The following CBR4 variants were observed in gnomAD, a reference collection of about 807,000 sequenced individuals.
The protein encoded by CBR4 is 3-oxoacyl-[acyl-carrier-protein] reductase.
In CBR4, 22 loss-of-function variants were observed where a neutral mutation model predicts 21.0. The ratio of observed to expected loss-of-function variants is 1.05; its 90% CI spans 0.75 to 1.50. The LOEUF (loss-of-function observed/expected upper bound fraction) is 1.50. Among genes scored for constraint, CBR4 ranks in the 40% most tolerant of loss-of-function variants. CBR4 has a pLI of 0.00. For missense variants in CBR4, 302 were observed against 286.3 expected (o/e 1.05, Z -0.40); for synonymous variants, 100 against 104.4 (o/e 0.96, Z 0.26).
Position 168,953,057 on chromosome 4 carries a change from C to G in CBR4, n.169+49014G>C, listed in dbSNP as rs112272287. On this transcript the variant is annotated intron_variant and non_coding_transcript_variant, in intron 2 of 3. Coordinates refer to the CBR4 transcript ENST00000509108. ...CAGGTGGGGGAAGGGCTAGGCATGTCTGAGCTCAGACTCTCCTTGGGCAGG... is the reference window on the plus strand; with the variant it reads ...CAGGTGGGGGAAGGGCTAGGCATGTGTGAGCTCAGACTCTCCTTGGGCAGG... Among the ~76,000 whole-genome samples, 1,279 of 152,280 alleles carry G rather than the reference C, an allele frequency of 8.4e-3. 13 individuals carry two copies. Among genetic ancestry groups the G allele is most frequent in the African/African-American group, 0.029 (1,209 of 41,566 alleles).
intron 2 of CBR4, among the ~76,000 whole-genome samples, chr4:168,971,522 G>A (rs551496981): frequency 1.7e-4 from 25 of 149,446 alleles, no homozygotes; most frequent in African/African-American, 3.0e-4. Context: ...GACCTCAAGC[G>A]ATCCACCAGC....
chr4:168,997,017 C>T (rs1993550), intron 4 of CBR4, among the ~76,000 whole-genome samples: 2 of 152,144 alleles, frequency 1.3e-5, no homozygotes, highest in Non-Finnish European at 2.9e-5. Flanking sequence ...CCGGTCTGTG[C>T]TCTCTCTCCT....
intron 2 of CBR4, among the ~76,000 whole-genome samples, chr4:168,958,680 A>G (rs1763757553): frequency 6.6e-6 from 1 of 152,202 alleles, no homozygotes; most frequent in Admixed American, 6.5e-5. Context: ...CACCGGCAAC[A>G]AAGTTCTAGT....
At chr4:168,931,868 A>G (rs920408782) in intron 2 of CBR4, among the ~76,000 whole-genome samples, 4 of 152,148 alleles carry the variant, frequency 2.6e-5, no homozygotes, top group African/African-American at 9.7e-5. Context: ...CAGACACTAC[A>G]GTACTGCATC....
chr4:168,923,249 T>C (rs1330218275), intron 2 of CBR4, among the ~76,000 whole-genome samples: 1 of 152,210 alleles, frequency 6.6e-6, no homozygotes, highest in African/African-American at 2.4e-5. Context: ...CCATGTAAAA[T>C]TCAATAAAAA....
chr4:168,965,982 T>A (rs1764013750), intron 2 of CBR4, among the ~76,000 whole-genome samples: 1 of 152,040 alleles, frequency 6.6e-6, no homozygotes, highest in Non-Finnish European at 1.5e-5. Context: ...GGAGAAAATA[T>A]CTGCAATCTA....
chr4:168,999,499 T>C (rs532310590), intron 4 of CBR4, among the ~76,000 whole-genome samples: 1 of 152,156 alleles, frequency 6.6e-6, no homozygotes, highest in Non-Finnish European at 1.5e-5. Flanking sequence ...CTCTATTAAA[T>C]GGCCACATTT....
intron 2 of CBR4, among the ~76,000 whole-genome samples, chr4:168,895,123 C>T (rs2151221065): frequency 6.6e-6 from 1 of 152,192 alleles, no homozygotes; most frequent in East Asian, 1.9e-4. Context: ...GTGGCTCATG[C>T]CTGTAATTGT....
chr4:169,008,640 T>G (rs570266969), intron 1 of CBR4, among the ~76,000 whole-genome samples: 1 of 152,326 alleles, frequency 6.6e-6, no homozygotes, highest in African/African-American at 2.4e-5. Flanking sequence ...AAAAGCATCC[T>G]GTGTCTCTCT....
chr4:169,001,937 G>T, intron 4 of CBR4, 134 bp downstream of exon 4: 1 of 918,884 alleles, frequency 1.1e-6, no homozygotes, highest in Non-Finnish European at 1.5e-6. Flanking sequence ...GAGTCCCCCA[G>T]TTCATTATTT....
chr4:168,932,242 TAA>T (rs558711167), intron 2 of CBR4, among the ~76,000 whole-genome samples: 1 of 131,374 alleles, frequency 7.6e-6, no homozygotes. Context: ...ACAAAGAACA[TAA>T]AAAAAAAAAA....
intron 3 of CBR4, among the ~76,000 whole-genome samples, chr4:169,003,053 C>A (rs1240675769): frequency 1.3e-5 from 2 of 152,146 alleles, no homozygotes; most frequent in African/African-American, 2.4e-5. Flanking sequence ...ATGTTGTTTT[C>A]GTGCCTGTTA....
chr4:168,970,131 C>T (rs1406073705), intron 2 of CBR4, among the ~76,000 whole-genome samples: 1 of 152,150 alleles, frequency 6.6e-6, no homozygotes, highest in Non-Finnish European at 1.5e-5. Flanking sequence ...ATTCTTGATA[C>T]TGACTCTTTA....
intron 2 of CBR4, among the ~76,000 whole-genome samples, chr4:168,920,582 G>A (rs1582200857): frequency 2.0e-5 from 3 of 152,188 alleles, no homozygotes; most frequent in African/African-American, 7.2e-5. Context: ...AAAGCTGGCA[G>A]ATGGCGACCA....
intron 2 of CBR4, among the ~76,000 whole-genome samples, chr4:168,919,252 C>T (rs1312352082): frequency 2.0e-5 from 3 of 152,086 alleles, no homozygotes; most frequent in Non-Finnish European, 2.9e-5. Flanking sequence ...CGGCCAGGCA[C>T]GTGGGTCACG....
intron 2 of CBR4, among the ~76,000 whole-genome samples, chr4:168,912,896 T>C (rs541054067): frequency 7.2e-5 from 11 of 152,210 alleles, no homozygotes; most frequent in East Asian, 3.8e-4. Flanking sequence ...AAAATTTCAA[T>C]TGACAAATTT....
intron 2 of CBR4, among the ~76,000 whole-genome samples, chr4:168,903,180 A>T (rs938470967): frequency 1.3e-5 from 2 of 152,172 alleles, no homozygotes; most frequent in Non-Finnish European, 2.9e-5. Flanking sequence ...CTTTGATCAT[A>T]TGCTTCCTGG....
At chr4:168,956,623 A>AC (rs1313380743) in intron 2 of CBR4, among the ~76,000 whole-genome samples, 6 of 151,302 alleles carry the variant, frequency 4.0e-5, no homozygotes, top group Non-Finnish European at 7.4e-5. Flanking sequence ...AAAAAAAAAA[A>AC]AAAACAGAAT....
chr4:168,921,682 C>A (rs201412478), intron 2 of CBR4: 1 of 1,611,620 alleles, frequency 6.2e-7, no homozygotes, highest in Middle Eastern at 2.1e-4. Context: ...GGCATCTACA[C>A]ATGTATAGCT....
Sources: gnomAD v4.1 joint callset for allele counts (sites outside exome capture counted in the v4.1 genomes callset) on GRCh38, gnomAD v4.1.1 for gene constraint, MANE v1.5 for transcripts, NCBI Gene and HGNC (gene_info 2026-07-23, HGNC 2026-07-21) for gene names.